The following ANO4 variants were observed in gnomAD, a reference collection of about 807,000 sequenced individuals.
ANO4 encodes the protein anoctamin-4.
A neutral mutation model predicts 141.9 loss-of-function variants in ANO4; 69 were observed. The observed-to-expected ratio is 0.49, with a 90% CI of 0.40 to 0.59. The LOEUF (loss-of-function observed/expected upper bound fraction) is 0.59, where lower values mean the gene tolerates loss of function less well. ANO4 is among the 20% of genes least tolerant of loss of function. The probability of loss-of-function intolerance (pLI) is 0.00; values close to 1 mark genes in which losing one functional copy is unlikely to be tolerated. For synonymous variants in ANO4, 350 were observed against 394.3 expected (o/e 0.89, Z 1.33); for missense variants, 894 against 1,162.2 (o/e 0.77, Z 3.36).
chr12:100,972,910 G>C (rs1319277796), intron 6 of ANO4, among the ~76,000 whole-genome samples: 1 of 152,150 alleles, frequency 6.6e-6, no homozygotes, highest in African/African-American at 2.4e-5. Flanking sequence ...ACCTGCAAAG[G>C]ATTTTGTATC....
intron 7 of ANO4, among the ~76,000 whole-genome samples, chr12:100,978,338 A>G (rs1371727116): frequency 6.6e-6 from 1 of 152,236 alleles, no homozygotes; most frequent in Non-Finnish European, 1.5e-5. Flanking sequence ...GGGTGAAAAC[A>G]TTTGCTCAAA....
intron 1 of ANO4, among the ~76,000 whole-genome samples, chr12:100,837,649 G>A (rs1435677918): frequency 6.8e-6 from 1 of 147,338 alleles, no homozygotes; most frequent in Non-Finnish European, 1.5e-5. Flanking sequence ...CTCCCTGGGA[G>A]TTCAAGATTT....
At chr12:100,924,421 G>T (rs2041776981) in intron 3 of ANO4, among the ~76,000 whole-genome samples, 1 of 152,096 alleles carries the variant, frequency 6.6e-6, no homozygotes, top group Admixed American at 6.6e-5. Flanking sequence ...ATGGCTGTTT[G>T]TTCCTTCATT....
rs549395458 is a variant in ANO4, at chr12:101,034,430, T to C, written c.842-2665T>C. On this transcript the variant is annotated intron_variant, in intron 9 of 27. Transcript: ENST00000392977. ...GCATGCCCTCACTCATAAGCAGGAA[T>C]TGAACAATGAGAACCTATGGACACA... Among the ~76,000 whole-genome samples the C allele has an allele frequency of 4.7e-4, 72 of 152,084 alleles. No individual in the cohort carries two copies. The South Asian group carries it at 0.014, about 30-fold the overall frequency.
chr12:100,903,491 A>G (rs1185210724), intron 2 of ANO4, among the ~76,000 whole-genome samples: 1 of 152,176 alleles, frequency 6.6e-6, no homozygotes, highest in African/African-American at 2.4e-5. Flanking sequence ...GCCTTTTGTG[A>G]TCTGGCCCCT....
At position 100,922,267 on chromosome 12, in the gene ANO4, A is replaced by G. The variant is rs182734321; in HGVS notation, c.97A>G (p.Ile33Val). 48 of 1,533,582 alleles carry G rather than the reference A, an allele frequency of 3.1e-5. No homozygotes were observed. In the East Asian group the frequency reaches 1.1e-3, roughly 34 times the overall value. The allele number at this position is 1,533,582 out of a possible 1,614,324, so 95.0% of individuals were successfully genotyped here. A position where few individuals can be genotyped will look rare whatever the true frequency, so the allele number is the denominator to read the frequency against. The change falls in exon 3 of 28, where the codon ATA (isoleucine) becomes GTA (valine). Residue 33 changes from isoleucine to valine, a missense_variant. Transcript: ENST00000392977. ...GCAAGGCTACCAGCTGGATATGCAA[A>G]TACTACCTGACGGGCCAAAGAGTGA... Reference protein sequence around the residue: ...DLQGYQLDMQILPDGPKSDVD... With the variant: ...DLQGYQLDMQVLPDGPKSDVD...
Position 101,049,036 on chromosome 12 carries a change from C to T in ANO4, c.1312+635C>T, listed in dbSNP as rs555705748. Among the ~76,000 whole-genome samples the T allele has an allele frequency of 3.3e-5, 5 of 152,212 alleles. No individual in the cohort carries two copies. In the South Asian group the frequency reaches 8.3e-4, roughly 25 times the overall value. The stretch of plus-strand genomic sequence containing the variant: ...TAATAGTCAAATAATTATAAAGCTT[C>T]AATTTAATGATATAGAAAAACATCT... On this transcript the variant is annotated intron_variant, in intron 14 of 27. Coordinates refer to ENST00000392977, the MANE Select transcript of ANO4 (RefSeq NM_001286615.2).
intron 12 of ANO4, among the ~76,000 whole-genome samples, 178 bp downstream of exon 12, chr12:101,042,646 C>T (rs1347493775): frequency 6.6e-6 from 1 of 152,178 alleles, no homozygotes; most frequent in Non-Finnish European, 1.5e-5. Context: ...GTCCTTGCTG[C>T]CATGGTCTTC....
intron 1 of ANO4, among the ~76,000 whole-genome samples, chr12:100,814,780 A>G (rs568821977): frequency 6.6e-6 from 1 of 152,238 alleles, no homozygotes; most frequent in African/African-American, 2.4e-5. Context: ...GGGTGGGAGA[A>G]GGGTACTCCA....
At chr12:101,015,869 T>TGAGA (rs368966067) in intron 8 of ANO4, among the ~76,000 whole-genome samples, 1 of 151,174 alleles carries the variant, frequency 6.6e-6, no homozygotes, top group African/African-American at 2.4e-5. Context: ...TGTGTGTGTA[T>TGAGA]GAGAGAGAGA....
intron 3 of ANO4, among the ~76,000 whole-genome samples, chr12:100,776,232 G>A (rs761255717): frequency 2.6e-5 from 4 of 152,160 alleles, no homozygotes; most frequent in Non-Finnish European, 5.9e-5. Context: ...CTGGCTTCAC[G>A]CTTGCTCTGG....
At chr12:101,012,762 T>C (rs2046151863) in intron 8 of ANO4, among the ~76,000 whole-genome samples, 1 of 152,126 alleles carries the variant, frequency 6.6e-6, no homozygotes, top group African/African-American at 2.4e-5. Flanking sequence ...AATTAGATAG[T>C]ACAGTTAGGA....
intron 1 of ANO4, among the ~76,000 whole-genome samples, chr12:100,733,069 A>G (rs1323030858): frequency 1.3e-5 from 2 of 152,150 alleles, no homozygotes; most frequent in Non-Finnish European, 1.5e-5. Flanking sequence ...AGCCTCGCAA[A>G]TAAGTCCTTC....
chr12:100,827,872 G>A (rs2036436624), intron 1 of ANO4, among the ~76,000 whole-genome samples: 4 of 151,900 alleles, frequency 2.6e-5, no homozygotes, highest in African/African-American at 4.8e-5. Flanking sequence ...CTGATGCTAC[G>A]CTTCTGGCCT....
At chr12:100,736,356 A>G (rs2031613222) in intron 2 of ANO4, among the ~76,000 whole-genome samples, 1 of 152,196 alleles carries the variant, frequency 6.6e-6, no homozygotes, top group African/African-American at 2.4e-5. Flanking sequence ...CCTCAAAAAG[A>G]TCCTGAGGTA....
At chr12:100,946,544 G>T (rs1263484694) in intron 5 of ANO4, among the ~76,000 whole-genome samples, 1 of 152,158 alleles carries the variant, frequency 6.6e-6, no homozygotes, top group Non-Finnish European at 1.5e-5. Context: ...CAGACTATTT[G>T]TCTGACACAT....
chr12:101,113,128 T>C (rs540849845), intron 24 of ANO4, among the ~76,000 whole-genome samples: 15 of 152,268 alleles, frequency 9.9e-5, no homozygotes, highest in Admixed American at 7.9e-4. Flanking sequence ...TCACAAGGCA[T>C]AGTAACTCTG....
chr12:101,097,774 G>T, intron 20 of ANO4, 66 bp downstream of exon 20: 1 of 1,607,062 alleles, frequency 6.2e-7, no homozygotes, highest in Non-Finnish European at 8.5e-7. Flanking sequence ...GGGCAACTTT[G>T]TGTAGATTAT....
At chr12:100,823,575 T>C (rs1010833511) in intron 1 of ANO4, among the ~76,000 whole-genome samples, 3 of 152,148 alleles carry the variant, frequency 2.0e-5, no homozygotes, top group South Asian at 2.1e-4. Context: ...TTTACAGTCT[T>C]TCCATAGACT....
Sources: gnomAD v4.1 joint callset for allele counts (sites outside exome capture counted in the v4.1 genomes callset) on GRCh38, gnomAD v4.1.1 for gene constraint, MANE v1.5 for transcripts, NCBI Gene and HGNC (gene_info 2026-07-23, HGNC 2026-07-21) for gene names.